The following MEI4 variants were observed in gnomAD, a reference collection of about 807,000 sequenced individuals.
MEI4 encodes the protein meiosis-specific protein MEI4.
In MEI4, 27 loss-of-function variants were observed where a neutral mutation model predicts 31.4. That is an observed-to-expected ratio of 0.86 (90% confidence interval 0.63 to 1.19). The LOEUF is 1.19. Ranked by LOEUF, MEI4 falls within the 50% of genes most tolerant of loss-of-function variation. MEI4 has a pLI of 0.00. For synonymous variants in MEI4, 122 were observed against 145.4 expected (o/e 0.84, Z 1.16); for missense variants, 329 against 398.9 (o/e 0.82, Z 1.49).
intron 3 of MEI4, among the ~76,000 whole-genome samples, chr6:77,777,281 A>G (rs1768475483): frequency 1.3e-5 from 2 of 152,220 alleles, no homozygotes; most frequent in African/African-American, 4.8e-5. Flanking sequence ...TGAGAAAGCT[A>G]TTAACTAACT....
chr6:77,838,378 G>T (rs1215505888), intron 4 of MEI4, among the ~76,000 whole-genome samples: 1 of 151,988 alleles, frequency 6.6e-6, no homozygotes, highest in Non-Finnish European at 1.5e-5. Context: ...GAATTTCATT[G>T]TGTGACGATG....
intron 4 of MEI4, among the ~76,000 whole-genome samples, chr6:77,911,801 T>C (rs532239106): frequency 2.7e-5 from 4 of 150,930 alleles, no homozygotes; most frequent in African/African-American, 9.7e-5. Context: ...GTTGACTCCA[T>C]GTATTTGCTA....
At chr6:77,682,054 C>T (rs887075635) in intron 1 of MEI4, among the ~76,000 whole-genome samples, 1 of 152,134 alleles carries the variant, frequency 6.6e-6, no homozygotes, top group Non-Finnish European at 1.5e-5. Flanking sequence ...CATGTTAGAC[C>T]TTGTCCAAAC....
At chr6:77,842,500 C>T (rs1395840514) in intron 4 of MEI4, among the ~76,000 whole-genome samples, 1 of 151,684 alleles carries the variant, frequency 6.6e-6, no homozygotes, top group African/African-American at 2.4e-5. Context: ...AAAATTGAGC[C>T]CAGACCACAT....
chr6:77,665,169 G>A (rs1321542244), intron 1 of MEI4, among the ~76,000 whole-genome samples: 1 of 151,726 alleles, frequency 6.6e-6, no homozygotes, highest in African/African-American at 2.4e-5. Flanking sequence ...GAAATAAGGA[G>A]TCGAGGCACG....
intron 4 of MEI4, among the ~76,000 whole-genome samples, chr6:77,910,511 C>T (rs1766408752): frequency 6.6e-6 from 1 of 152,098 alleles, no homozygotes; most frequent in African/African-American, 2.4e-5. Flanking sequence ...CGTGAAGGAC[C>T]TCTTCAAGGA....
chr6:77,793,750 G>A (rs1606446), intron 3 of MEI4, among the ~76,000 whole-genome samples: 8,982 of 152,102 alleles, frequency 0.059, 788 homozygotes, highest in African/African-American at 0.19. Flanking sequence ...GGTGCTTTAT[G>A]CAAGCTTGTG....
intron 2 of MEI4, among the ~76,000 whole-genome samples, chr6:77,743,996 A>G (rs935087955): frequency 6.6e-6 from 1 of 152,218 alleles, no homozygotes; most frequent in Non-Finnish European, 1.5e-5. Flanking sequence ...GACCAAAAGT[A>G]GATAAAACCA....
At chr6:77,736,318 T>C (rs929968274) in intron 2 of MEI4, among the ~76,000 whole-genome samples, 1 of 152,028 alleles carries the variant, frequency 6.6e-6, no homozygotes, top group Non-Finnish European at 1.5e-5. Flanking sequence ...CCGAGCCATG[T>C]GCGGGATATA....
intron 3 of MEI4, among the ~76,000 whole-genome samples, chr6:77,763,210 T>G (rs1768083121): frequency 6.6e-6 from 1 of 152,052 alleles, no homozygotes; most frequent in African/African-American, 2.4e-5. Context: ...TTCTCTTTCT[T>G]CCACCTTCCT....
chr6:77,850,252 C>T (rs532776688), intron 4 of MEI4, among the ~76,000 whole-genome samples: 40 of 152,206 alleles, frequency 2.6e-4, no homozygotes, highest in Admixed American at 2.6e-3. Flanking sequence ...AACAAGCTAC[C>T]AATGACTTTC....
chr6:77,699,543 A>C (rs982637061), intron 2 of MEI4, among the ~76,000 whole-genome samples: 4 of 151,980 alleles, frequency 2.6e-5, no homozygotes, highest in Non-Finnish European at 4.4e-5. Context: ...TCTAGCTCGG[A>C]GTGGTTTGAT....
intron 1 of MEI4, among the ~76,000 whole-genome samples, chr6:77,672,364 C>A (rs919382684): frequency 2.0e-5 from 3 of 152,138 alleles, no homozygotes; most frequent in African/African-American, 7.2e-5. Flanking sequence ...CCTGAAATAT[C>A]CTAGAGCTGC....
chr6:77,782,271 T>C (rs953229838), intron 3 of MEI4, among the ~76,000 whole-genome samples: 4 of 152,114 alleles, frequency 2.6e-5, no homozygotes, highest in Non-Finnish European at 4.4e-5. Context: ...ACAATGAAAG[T>C]AGATGAATCT....
intron 2 of MEI4, among the ~76,000 whole-genome samples, chr6:77,739,956 C>T (rs533148449): frequency 6.6e-6 from 1 of 152,188 alleles, no homozygotes; most frequent in Non-Finnish European, 1.5e-5. Context: ...ATTTTTCCTC[C>T]TAACCCTGCC....
intron 2 of MEI4, among the ~76,000 whole-genome samples, chr6:77,750,044 A>C (rs1390565356): frequency 5.9e-5 from 9 of 152,224 alleles, no homozygotes; most frequent in Admixed American, 2.0e-4. Flanking sequence ...AGGAGAAATA[A>C]AATTCTTTAC....
At chr6:77,691,364 T>C (rs1769153160) in intron 2 of MEI4, among the ~76,000 whole-genome samples, 1 of 151,996 alleles carries the variant, frequency 6.6e-6, no homozygotes, top group African/African-American at 2.4e-5. Flanking sequence ...ATTAACCTAG[T>C]TGTGATACAT....
intron 3 of MEI4, among the ~76,000 whole-genome samples, chr6:77,781,741 A>T (rs980716383): frequency 6.6e-6 from 1 of 152,160 alleles, no homozygotes; most frequent in African/African-American, 2.4e-5. Context: ...CAGATGAGGC[A>T]TAAAGAGGCC....
chr6:77,837,600 A>G (rs954459182), intron 4 of MEI4, among the ~76,000 whole-genome samples: 3 of 152,192 alleles, frequency 2.0e-5, no homozygotes, highest in African/African-American at 7.2e-5. Context: ...ATAAAGTTTT[A>G]CTGGAACACA....
Sources: gnomAD v4.1 joint callset for allele counts (sites outside exome capture counted in the v4.1 genomes callset) on GRCh38, gnomAD v4.1.1 for gene constraint, MANE v1.5 for transcripts, NCBI Gene and HGNC (gene_info 2026-07-23, HGNC 2026-07-21) for gene names.